The following TMEM132B variants were observed in gnomAD, a reference collection of about 807,000 sequenced individuals.
The protein encoded by TMEM132B is transmembrane protein 132B.
A neutral mutation model predicts 90.8 loss-of-function variants in TMEM132B; 18 were observed. The ratio of observed to expected loss-of-function variants is 0.20; its 90% confidence interval spans 0.14 to 0.29. The LOEUF (loss-of-function observed/expected upper bound fraction) is 0.29, where lower values mean the gene tolerates loss of function less well. TMEM132B is among the 10% of genes least tolerant of loss of function. The probability of loss-of-function intolerance (pLI) is 1.00; values close to 1 mark genes in which losing one functional copy is unlikely to be tolerated. For missense variants in TMEM132B, 1,096 were observed against 1,326.8 expected, an observed-to-expected ratio of 0.83 and a Z score of 2.70; for synonymous variants, 504 against 523.3, an observed-to-expected ratio of 0.96 and a Z score of 0.50.
chr12:125,264,751 T>A (rs1443971853), intron 1 of TMEM132B, among the ~76,000 whole-genome samples: 1 of 152,220 alleles, frequency 6.6e-6, no homozygotes, highest in African/African-American at 2.4e-5. Flanking sequence ...TGTTTTCTGG[T>A]CTGCTTCTCC....
chr12:125,368,455 G>C (rs564477041), intron 2 of TMEM132B, among the ~76,000 whole-genome samples: 42 of 152,236 alleles, frequency 2.8e-4, no homozygotes, highest in African/African-American at 9.9e-4. Context: ...ATTTTGTGGG[G>C]TGTCACTATG....
Position 125,408,853 on chromosome 12 carries a change from G to T in TMEM132B, c.960-6678G>T, listed in dbSNP as rs765566508. Among the ~76,000 whole-genome samples the T allele has an allele frequency of 6.6e-6, 1 of 152,164 alleles. No individual in the cohort carries two copies. The highest frequency in any genetic ancestry group is 1.5e-5 in the Non-Finnish European group (1 of 68,040). On this transcript the variant is annotated intron_variant, in intron 2 of 8. Coordinates refer to ENST00000682704, the MANE Select transcript of TMEM132B (RefSeq NM_001366854.1). The surrounding 1 kb of genome is among the most constrained non-coding windows in gnomAD (Gnocchi z 5.9). ...ATTCCAGCAATGTTCACGAGTCCCAGTCACTCCATGACCAGGCCACCATTT... is the reference window on the plus strand; with the variant it reads ...ATTCCAGCAATGTTCACGAGTCCCATTCACTCCATGACCAGGCCACCATTT...
chr12:125,302,164 C>T (rs1462833039), intron 1 of TMEM132B, among the ~76,000 whole-genome samples: 2 of 151,972 alleles, frequency 1.3e-5, no homozygotes, highest in Admixed American at 6.6e-5. Flanking sequence ...TGTGCTGCTG[C>T]ACTCCAGGCT....
At chr12:125,550,859 AGAT>A (rs879374991) in intron 4 of TMEM132B, among the ~76,000 whole-genome samples, 19,303 of 152,110 alleles carry the variant, frequency 0.13, 1,319 homozygotes, top group South Asian at 0.18. Flanking sequence ...GCTCACTGCA[AGAT>A]CTGCAGTGCA....
intron 4 of TMEM132B, among the ~76,000 whole-genome samples, chr12:125,557,715 G>A (rs979465303): frequency 6.6e-6 from 1 of 152,146 alleles, no homozygotes; most frequent in Non-Finnish European, 1.5e-5. Flanking sequence ...AAAAAAAATA[G>A]GTAAGTAAAT....
At chr12:125,239,883 T>A (rs992279275) in intron 1 of TMEM132B, among the ~76,000 whole-genome samples, 1 of 152,222 alleles carries the variant, frequency 6.6e-6, no homozygotes, top group African/African-American at 2.4e-5. Flanking sequence ...ATTGGTGCAG[T>A]AGGGGTGGCC....
At chr12:125,304,149 T>C (rs1314183593) in intron 1 of TMEM132B, among the ~76,000 whole-genome samples, 1 of 152,192 alleles carries the variant, frequency 6.6e-6, no homozygotes, top group Non-Finnish European at 1.5e-5. Flanking sequence ...GGGTTTGTGC[T>C]CCTATGAGAA....
chr12:125,331,548 AG>A (rs1876773046), intron 1 of TMEM132B, among the ~76,000 whole-genome samples: 1 of 152,126 alleles, frequency 6.6e-6, no homozygotes, highest in Non-Finnish European at 1.5e-5. Flanking sequence ...GTGGCTCACC[AG>A]GAAGAAGCTG....
At chr12:125,400,746 A>G (rs529695434) in intron 2 of TMEM132B, among the ~76,000 whole-genome samples, 5 of 152,308 alleles carry the variant, frequency 3.3e-5, no homozygotes, top group South Asian at 2.1e-4. Context: ...GAGAGCCCCA[A>G]TTAAAAGTAT....
chr12:125,245,345 A>AC (rs1158402724), intron 1 of TMEM132B, among the ~76,000 whole-genome samples: 4 of 145,404 alleles, frequency 2.8e-5, no homozygotes, highest in East Asian at 2.1e-4. Flanking sequence ...CCAGGAAAAG[A>AC]CCCCCCGCAA....
chr12:125,600,041 G>T (rs1276524419), intron 5 of TMEM132B, among the ~76,000 whole-genome samples: 1 of 152,146 alleles, frequency 6.6e-6, no homozygotes, highest in African/African-American at 2.4e-5. Context: ...TTTCAGCCAA[G>T]GCAAGGAGTT....
Position 125,654,195 on chromosome 12 carries a change from T to C in TMEM132B, c.2737T>C (p.Phe913Leu). 3 of 1,614,254 alleles carry C rather than the reference T, an allele frequency of 1.9e-6. No homozygotes were observed. The highest frequency in any genetic ancestry group is 2.5e-6 in the Non-Finnish European group (3 of 1,180,050). The change falls in exon 9 of 9, where the codon TTC becomes CTC. Residue 913 changes from phenylalanine to leucine, a missense_variant. Transcript: ENST00000682704. This position sits in a 1 kb window ranked among gnomAD's most constrained non-coding sequence, Gnocchi z 5.8. ...EIGMYALLCV[F>L]CLAILVFLIN... ...TGGCATGTATGCCTTGCTCTGCGTC[T>C]TCTGTCTGGCCATTCTGGTCTTCTT...
At chr12:125,196,312 G>T (rs1323712756) in intron 1 of TMEM132B, among the ~76,000 whole-genome samples, 1 of 152,212 alleles carries the variant, frequency 6.6e-6, no homozygotes, top group African/African-American at 2.4e-5. Context: ...CAGAACAACA[G>T]AACTTCATCC....
chr12:125,281,721 G>A (rs1400204820), intron 1 of TMEM132B, among the ~76,000 whole-genome samples: 2 of 152,096 alleles, frequency 1.3e-5, no homozygotes, highest in Non-Finnish European at 2.9e-5. Flanking sequence ...ATGGCTCCCT[G>A]GGACCTGTGT....
At chr12:125,309,478 C>T (rs893562074) in intron 1 of TMEM132B, among the ~76,000 whole-genome samples, 4 of 151,692 alleles carry the variant, frequency 2.6e-5, no homozygotes, top group East Asian at 1.9e-4. Context: ...TTCATTTGAC[C>T]GATATTTTCT....
intron 3 of TMEM132B, among the ~76,000 whole-genome samples, chr12:125,491,553 T>A (rs1321983167): frequency 6.6e-6 from 1 of 152,234 alleles, no homozygotes; most frequent in African/African-American, 2.4e-5. Flanking sequence ...TGTGTGCCAT[T>A]GGCATATTCA....
rs1018607354 is a variant in TMEM132B, at chr12:125,243,939, T to C, written c.67+57073T>C. 1.1e-4 allele frequency among the ~76,000 whole-genome samples: 17 copies of C among 151,502 alleles called. 1 individual carries two copies. The highest frequency in any genetic ancestry group is 4.1e-4 in the African/African-American group (17 of 41,296). On this transcript the variant is annotated intron_variant, in intron 1 of 8. Coordinates refer to ENST00000682704, the MANE Select transcript of TMEM132B (RefSeq NM_001366854.1). Reference sequence around the variant, plus strand: ...CAACGCCCCCTCTCCCCCCAGCCCCTGCCCACCACTAACCTCCTTCCTGTC... The same window carrying C: ...CAACGCCCCCTCTCCCCCCAGCCCCCGCCCACCACTAACCTCCTTCCTGTC...
chr12:125,428,040 C>T (rs1420933555), intron 3 of TMEM132B, among the ~76,000 whole-genome samples: 2 of 151,652 alleles, frequency 1.3e-5, no homozygotes, highest in African/African-American at 2.4e-5. Context: ...CTGTGTTACC[C>T]AGATTGGAAT....
At chr12:125,632,140 A>G (rs532671822) in intron 5 of TMEM132B, among the ~76,000 whole-genome samples, 1 of 151,682 alleles carries the variant, frequency 6.6e-6, no homozygotes, top group African/African-American at 2.4e-5. Context: ...TTTATATTTT[A>G]TATGTTTGTT....
Sources: allele counts gnomAD v4.1 joint callset (sites outside exome capture counted in the v4.1 genomes callset), GRCh38; gene constraint gnomAD v4.1.1; non-coding constraint Gnocchi (gnomAD v3.1); transcripts MANE v1.5; gene names NCBI Gene and HGNC (gene_info 2026-07-23, HGNC 2026-07-21).